Variants in AFF2 observed in about 807,000 individuals in gnomAD.
The protein encoded by AFF2 is AF4/FMR2 family member 2.
AFF2 carries 14 observed loss-of-function variants against 76.9 expected under a neutral mutation model. The ratio of observed to expected loss-of-function variants is 0.18; its 90% CI spans 0.12 to 0.28. AFF2 has a LOEUF of 0.28. Ranked by LOEUF, AFF2 falls within the 10% of genes least tolerant of loss-of-function variation. The probability of loss-of-function intolerance (pLI) is 1.00; values close to 1 mark genes in which losing one functional copy is unlikely to be tolerated. For synonymous variants in AFF2, 398 were observed against 366.7 expected, an observed-to-expected ratio of 1.09 and a Z score of -0.98; for missense variants, 868 against 1,001.1, an observed-to-expected ratio of 0.87 and a Z score of 1.79.
rs983988118 is a variant in AFF2 at position 148,658,831 on chromosome X, T to C, written c.181-3077T>C. On this transcript the variant is annotated intron_variant, in intron 2 of 20. Coordinates refer to ENST00000370460, the MANE Select transcript of AFF2 (RefSeq NM_002025.4). ...AAGTTAGCCTGATTTTTGCCTTCTA[T>C]TATGTACCTTTGACTTCAGCCATTG... Among the ~76,000 whole-genome samples the C allele has an allele frequency of 2.7e-5, 3 of 112,488 alleles. No homozygotes were observed. In the Admixed American group the frequency reaches 2.8e-4, roughly 11 times the overall value.
chrX:148,956,541 C>T lies in AFF2; in HGVS notation c.2496C>T (p.Ala832=), dbSNP rs781846522. 1 of 1,211,843 alleles carries T rather than the reference C, an allele frequency of 8.3e-7. No homozygotes were observed. Among genetic ancestry groups the T allele is most frequent in the Non-Finnish European group, 1.1e-6 (1 of 895,491 alleles). ...CCAAGCCAGACCACAAGGAGACTGC[C>T]ACAAAACCCAAGCGTCAGACAGCTG... ...APAKPDHKET[A]TKPKRQTAVT... Residue 832 remains alanine, a synonymous_variant, in exon 11 of 21, where the codon GCC becomes GCT. Transcript: ENST00000370460.
At chrX:148,562,172 T>C (rs2053120479) in intron 1 of AFF2, among the ~76,000 whole-genome samples, 1 of 112,656 alleles carries the variant, frequency 8.9e-6, no homozygotes, top group African/African-American at 3.2e-5. Flanking sequence ...CTACCTGATG[T>C]CAAATGACTG....
rs2070193883 is a variant in AFF2 at position 148,810,845 on chromosome X, G to T, written c.1086+925G>T. ...TAATCTATGTGCCAGTGAAAATTTG[G>T]CACCCCCTTTCCTCAGTTACCAAAG... On this transcript the variant is annotated intron_variant, in intron 4 of 20. Transcript: ENST00000370460. Among the ~76,000 whole-genome samples the T allele has an allele frequency of 2.7e-5, 3 of 111,236 alleles. No homozygotes were observed. The South Asian group carries it at 1.2e-3, about 43-fold the overall frequency.
At chrX:148,749,005 A>G (rs1198902205) in intron 3 of AFF2, among the ~76,000 whole-genome samples, 1 of 111,924 alleles carries the variant, frequency 8.9e-6, no homozygotes, top group East Asian at 2.8e-4. Flanking sequence ...TACCATGAAT[A>G]ATATCCTTTA....
chrX:148,805,102 A>G (rs1453322325), intron 3 of AFF2, among the ~76,000 whole-genome samples: 2 of 111,861 alleles, frequency 1.8e-5, no homozygotes, highest in African/African-American at 3.2e-5. Context: ...ATTCTGCATC[A>G]GGGGACTTCT....
At chrX:148,741,831 A>G (rs1236490555) in intron 3 of AFF2, among the ~76,000 whole-genome samples, 1 of 110,092 alleles carries the variant, frequency 9.1e-6, no homozygotes, top group Non-Finnish European at 1.9e-5. Context: ...TGCTTCCTCT[A>G]CCCCTGTATT....
chrX:148,797,053 G>A (rs782665239), intron 3 of AFF2, among the ~76,000 whole-genome samples: 3 of 112,360 alleles, frequency 2.7e-5, no homozygotes, highest in South Asian at 7.4e-4. Context: ...GTCTGTTTTC[G>A]TTATGAAAAT....
intron 1 of AFF2, among the ~76,000 whole-genome samples, chrX:148,549,782 T>C (rs184684399): frequency 2.7e-5 from 3 of 112,190 alleles, no homozygotes; most frequent in Non-Finnish European, 5.6e-5. Context: ...CACTCTTTGC[T>C]CTTCTTTCCC....
Position 148,953,717 on chromosome X carries a change from C to T in AFF2, c.1535C>T (p.Ala512Val). 1 of 1,209,465 alleles carries T rather than the reference C, an allele frequency of 8.3e-7. No homozygotes were observed. The highest frequency in any genetic ancestry group is 1.1e-6 in the Non-Finnish European group (1 of 894,611). ...ACCACTGACAGCGAATCTAATGAGG[C>T]ACCTCGTGTGGCAACTCCAGAGGTG... The part of the protein sequence containing the change: ...SSTTDSESNE[A>V]PRVATPEPEP... Residue 512 changes from alanine (A) to valine (V), a missense_variant, in exon 10 of 21, where the codon GCA becomes GTA. This residue lies in a region of AFF2 where 532 missense variants were observed against 564.2 expected (regional missense o/e 0.94). Coordinates refer to ENST00000370460, the MANE Select transcript of AFF2 (RefSeq NM_002025.4).
At chrX:148,544,289 G>C (rs1446305473) in intron 1 of AFF2, among the ~76,000 whole-genome samples, 3 of 112,454 alleles carry the variant, frequency 2.7e-5, no homozygotes, top group Non-Finnish European at 5.6e-5. Flanking sequence ...TTTGCCATTT[G>C]AATTACCCAC....
chrX:148,812,268 T>C lies in AFF2; in HGVS notation c.1086+2348T>C, dbSNP rs2070212939. On this transcript the variant is annotated intron_variant, in intron 4 of 20. Transcript: ENST00000370460. ...TGTCACCTCATTCCCCATAAACCCC[T>C]TTCTTAGGGAAAAGTACATTTTATC... Among the ~76,000 whole-genome samples, 4 of 111,296 alleles carry C rather than the reference T, an allele frequency of 3.6e-5. No homozygotes were observed. In the Admixed American group the frequency reaches 3.8e-4, roughly 11 times the overall value.
intron 1 of AFF2, among the ~76,000 whole-genome samples, chrX:148,592,664 C>T (rs1182862085): frequency 9.0e-6 from 1 of 111,593 alleles, no homozygotes; most frequent in Non-Finnish European, 1.9e-5. Flanking sequence ...GATCCTGAGA[C>T]TGTTACTAGC....
chrX:148,708,420 C>G (rs2054913864), intron 3 of AFF2, among the ~76,000 whole-genome samples: 1 of 111,696 alleles, frequency 9.0e-6, no homozygotes, highest in East Asian at 2.8e-4. Flanking sequence ...ATTCTTTGAT[C>G]AGCTGAACTC....
chrX:148,868,942 T>A (rs1021631764), intron 7 of AFF2, among the ~76,000 whole-genome samples: 16 of 112,361 alleles, frequency 1.4e-4, no homozygotes, highest in African/African-American at 5.2e-4. Flanking sequence ...TCCTAAAGGG[T>A]CCACCTTTTA....
intron 8 of AFF2, among the ~76,000 whole-genome samples, chrX:148,891,064 G>A (rs1223924592): frequency 1.8e-5 from 2 of 111,648 alleles, no homozygotes; most frequent in East Asian, 5.7e-4. Context: ...GCCACTGTTG[G>A]CATCATAGAT....
chrX:148,894,702 C>CA (rs1387004122), intron 8 of AFF2, among the ~76,000 whole-genome samples: 13 of 110,677 alleles, frequency 1.2e-4, no homozygotes, highest in Non-Finnish European at 2.5e-4. Flanking sequence ...GTGTGTTTCT[C>CA]AAAAAACTAA....
intron 9 of AFF2, among the ~76,000 whole-genome samples, chrX:148,932,986 T>C (rs1557284564): frequency 1.8e-5 from 2 of 111,954 alleles, no homozygotes; most frequent in African/African-American, 6.5e-5. Flanking sequence ...AATGATAAAA[T>C]ATATTGGAAG....
At chrX:148,598,524 C>G (rs2053597188) in intron 1 of AFF2, among the ~76,000 whole-genome samples, 2 of 112,477 alleles carry the variant, frequency 1.8e-5, no homozygotes, top group Admixed American at 1.9e-4. Flanking sequence ...CTAGCGTTCT[C>G]CTATCCTTGC....
At chrX:148,978,028 G>A (rs1557290485) in intron 17 of AFF2, 24 bp downstream of exon 17, 1 of 1,077,778 alleles carries the variant, frequency 9.3e-7, no homozygotes, top group Non-Finnish European at 1.3e-6. Context: ...AGGCCACAAG[G>A]AAATTGCTGA....
Sources: gnomAD v4.1 joint callset for allele counts (sites outside exome capture counted in the v4.1 genomes callset) on GRCh38, gnomAD v4.1.1 for gene constraint, gnomAD v4.1.1 regional missense constraint, MANE v1.5 for transcripts, NCBI Gene and HGNC (gene_info 2026-07-23, HGNC 2026-07-21) for gene names.